Variants in KATNAL1 observed in about 807,000 individuals in gnomAD.
KATNAL1 encodes katanin catalytic subunit A1 like 1.
KATNAL1 carries 32 observed loss-of-function variants against 55.2 expected under a neutral mutation model. The observed-to-expected ratio is 0.58, with a 90% CI of 0.44 to 0.78. The LOEUF is 0.78. Ranked by LOEUF, KATNAL1 falls within the 30% of genes least tolerant of loss-of-function variation. KATNAL1 has a pLI of 0.00. For missense variants in KATNAL1, 466 were observed against 600.9 expected (o/e 0.78, Z 2.35); for synonymous variants, 193 against 193.6 (o/e 1.00, Z 0.02).
chr13:30,263,231 G>C (rs1007044504), intron 3 of KATNAL1, among the ~76,000 whole-genome samples: 3 of 152,106 alleles, frequency 2.0e-5, no homozygotes, highest in East Asian at 1.9e-4. Flanking sequence ...AAAATAATAA[G>C]AGCTATTCAT....
chr13:30,208,955 A>G (rs1470115447), intron 10 of KATNAL1, among the ~76,000 whole-genome samples: 2 of 152,224 alleles, frequency 1.3e-5, no homozygotes, highest in Non-Finnish European at 2.9e-5. Context: ...AACGAACCCT[A>G]AAAGTCTAAG....
intron 1 of KATNAL1, among the ~76,000 whole-genome samples, chr13:30,287,681 T>A (rs1034353940): frequency 6.6e-6 from 1 of 152,240 alleles, no homozygotes; most frequent in Non-Finnish European, 1.5e-5. Context: ...ATGGCCTTAT[T>A]ATAATGAATA....
intron 4 of KATNAL1, 105 bp from the exon 5 acceptor site, chr13:30,241,191 T>C: frequency 9.3e-7 from 1 of 1,075,568 alleles, no homozygotes; most frequent in Non-Finnish European, 1.4e-6. Flanking sequence ...AAATAATTTT[T>C]ATTATTTTAA....
chr13:30,281,133 A>AAAAAG (rs1200155291), intron 2 of KATNAL1, among the ~76,000 whole-genome samples: 1 of 139,248 alleles, frequency 7.2e-6, no homozygotes, highest in Non-Finnish European at 1.5e-5. Context: ...AAAAAAAAAA[A>AAAAAG]AAAAGAAAAG....
intron 1 of KATNAL1, among the ~76,000 whole-genome samples, chr13:30,286,610 T>C (rs904401624): frequency 2.1e-4 from 32 of 152,072 alleles, no homozygotes; most frequent in Non-Finnish European, 5.9e-5. Flanking sequence ...TAGGGAAGTG[T>C]GGAAGGGAAA....
At chr13:30,251,250 A>G (rs917116424) in intron 4 of KATNAL1, among the ~76,000 whole-genome samples, 2 of 90,460 alleles carry the variant, frequency 2.2e-5, no homozygotes, top group African/African-American at 6.6e-5. Flanking sequence ...TATCCTTCTT[A>G]AGTAAAAAAA....
chr13:30,272,978 C>A (rs754378116), intron 3 of KATNAL1, among the ~76,000 whole-genome samples: 1 of 152,196 alleles, frequency 6.6e-6, no homozygotes, highest in Non-Finnish European at 1.5e-5. Context: ...CCCTTACATA[C>A]CCCTGCCTCC....
intron 3 of KATNAL1, among the ~76,000 whole-genome samples, chr13:30,256,385 A>G (rs1424871440): frequency 6.6e-6 from 1 of 152,224 alleles, no homozygotes; most frequent in Non-Finnish European, 1.5e-5. Flanking sequence ...ATTCTTGGGA[A>G]AGGGACTCTA....
Position 30,237,214 on chromosome 13 carries a change from T to A in KATNAL1, c.726+3246A>T, listed in dbSNP as rs191535654. ...AGCCTATCATGTGACACAAGGTAAA[T>A]ACTCAATAAATATGTATTTACCCAG... On this transcript the variant is annotated intron_variant, in intron 6 of 10. Transcript: ENST00000380615. Among the ~76,000 whole-genome samples, 32 of 152,282 alleles carry A rather than the reference T, an allele frequency of 2.1e-4. No homozygotes were observed. In the East Asian group the frequency reaches 3.5e-3, roughly 17 times the overall value.
chr13:30,258,684 T>G (rs1878988664), intron 3 of KATNAL1, among the ~76,000 whole-genome samples: 2 of 152,226 alleles, frequency 1.3e-5, no homozygotes, highest in Non-Finnish European at 1.5e-5. Flanking sequence ...TTTTACTTTA[T>G]TACTTTTAAT....
chr13:30,297,022 C>A (rs1593187310), intron 1 of KATNAL1, among the ~76,000 whole-genome samples: 1 of 151,846 alleles, frequency 6.6e-6, no homozygotes, highest in Non-Finnish European at 1.5e-5. Context: ...GTGGTCCTAG[C>A]TACTCAAGAG....
chr13:30,222,969 C>T (rs913645096), intron 9 of KATNAL1, among the ~76,000 whole-genome samples: 1 of 151,562 alleles, frequency 6.6e-6, no homozygotes, highest in Admixed American at 6.6e-5. Flanking sequence ...GTGGCACATG[C>T]CTGTAGTCCC....
intron 3 of KATNAL1, among the ~76,000 whole-genome samples, chr13:30,256,214 ATCAT>A (rs1483829119): frequency 6.6e-6 from 1 of 152,248 alleles, no homozygotes; most frequent in Admixed American, 6.5e-5. Context: ...AAATCACAGA[ATCAT>A]TCAAATTATA....
chr13:30,242,915 G>C (rs967791229), intron 4 of KATNAL1, among the ~76,000 whole-genome samples: 2 of 152,088 alleles, frequency 1.3e-5, no homozygotes, highest in Non-Finnish European at 2.9e-5. Flanking sequence ...ATGGGTGACA[G>C]TTATTCTTCA....
chr13:30,242,794 C>G (rs1476243135), intron 4 of KATNAL1, among the ~76,000 whole-genome samples: 4 of 151,396 alleles, frequency 2.6e-5, no homozygotes, highest in Admixed American at 2.6e-4. Context: ...GAATACCGAT[C>G]GAGGACTACA....
intron 9 of KATNAL1, among the ~76,000 whole-genome samples, chr13:30,218,961 A>T (rs1441955071): frequency 6.6e-6 from 1 of 152,182 alleles, no homozygotes; most frequent in Non-Finnish European, 1.5e-5. Context: ...AGAGTAAGTG[A>T]TATATTGGCT....
intron 3 of KATNAL1, among the ~76,000 whole-genome samples, chr13:30,255,982 A>G (rs1332051422): frequency 6.6e-6 from 1 of 152,188 alleles, no homozygotes; most frequent in African/African-American, 2.4e-5. Flanking sequence ...AGAATAAGTA[A>G]CTTTTTTTTA....
At chr13:30,288,490 G>A (rs1881936582) in intron 1 of KATNAL1, among the ~76,000 whole-genome samples, 1 of 152,152 alleles carries the variant, frequency 6.6e-6, no homozygotes, top group Non-Finnish European at 1.5e-5. Context: ...ACTTATAACA[G>A]CATGGAAAGC....
intron 9 of KATNAL1, among the ~76,000 whole-genome samples, chr13:30,214,358 T>G (rs1207451828): frequency 6.6e-6 from 1 of 152,204 alleles, no homozygotes; most frequent in East Asian, 1.9e-4. Context: ...CAAGGTAATT[T>G]ATAGATTTAA....
Sources: gnomAD v4.1 joint callset for allele counts (sites outside exome capture counted in the v4.1 genomes callset) on GRCh38, gnomAD v4.1.1 for gene constraint, MANE v1.5 for transcripts, NCBI Gene and HGNC (gene_info 2026-07-23, HGNC 2026-07-21) for gene names.